CALN1: variants seen among roughly 807,000 people sequenced by gnomAD.
The protein encoded by CALN1 is calneuron 1.
CALN1 carries 17 observed loss-of-function variants against 30.6 expected under a neutral mutation model. The ratio of observed to expected loss-of-function variants is 0.56; its 90% CI spans 0.38 to 0.83. The LOEUF (loss-of-function observed/expected upper bound fraction) is 0.83, where lower values mean the gene tolerates loss of function less well. CALN1 is among the 40% of genes least tolerant of loss of function. The pLI, the probability that CALN1 is intolerant of heterozygous loss-of-function variation, is 0.00. For synonymous variants in CALN1, 156 were observed against 131.4 expected (o/e 1.19, Z -1.28); for missense variants, 291 against 354.9 (o/e 0.82, Z 1.45).
chr7:72,385,983 T>C (rs1334779917), intron 2 of CALN1, among the ~76,000 whole-genome samples: 1 of 152,156 alleles, frequency 6.6e-6, no homozygotes, highest in African/African-American at 2.4e-5. Context: ...AAGACACGGA[T>C]TGATCTTAAA....
chr7:71,804,162 C>T (rs1043925691), intron 6 of CALN1, among the ~76,000 whole-genome samples: 6 of 152,114 alleles, frequency 3.9e-5, no homozygotes, highest in Non-Finnish European at 8.8e-5. Flanking sequence ...ATCTGAACAC[C>T]TCTTAGTAAA....
chr7:72,342,895 A>C (rs1802448312), intron 2 of CALN1, among the ~76,000 whole-genome samples: 1 of 152,134 alleles, frequency 6.6e-6, no homozygotes, highest in Non-Finnish European at 1.5e-5. Flanking sequence ...TGGAAGGTAA[A>C]ATTTTTCATG....
At chr7:72,133,529 T>C (rs1031245476) in intron 3 of CALN1, among the ~76,000 whole-genome samples, 4 of 152,242 alleles carry the variant, frequency 2.6e-5, no homozygotes, top group African/African-American at 9.6e-5. Context: ...ACCACTTTAG[T>C]AATAACTGAT....
At chr7:71,888,991 C>G (rs1320214513) in intron 5 of CALN1, among the ~76,000 whole-genome samples, 2 of 152,156 alleles carry the variant, frequency 1.3e-5, no homozygotes, top group Non-Finnish European at 2.9e-5. Flanking sequence ...GTGAGGAGAT[C>G]AGGAAAGGTA....
intron 5 of CALN1, among the ~76,000 whole-genome samples, chr7:71,989,907 A>T (rs1457433823): frequency 1.3e-5 from 2 of 152,160 alleles, no homozygotes; most frequent in Non-Finnish European, 2.9e-5. Flanking sequence ...AGACAGAAGA[A>T]GATACTAGGA....
intron 5 of CALN1, among the ~76,000 whole-genome samples, chr7:72,018,352 T>G (rs941684892): frequency 1.4e-4 from 21 of 152,054 alleles, no homozygotes; most frequent in African/African-American, 5.1e-4. Context: ...TCAGCCCCGC[T>G]CAGTCCCTTC....
rs113172800 is a variant in CALN1 at position 72,386,730 on chromosome 7, G to A, written c.119+16521C>T. Among the ~76,000 whole-genome samples the A allele has an allele frequency of 4.8e-3, 737 of 152,118 alleles. 3 individuals carry two copies. Among genetic ancestry groups the A allele is most frequent in the African/African-American group, 0.017 (697 of 41,488 alleles). ...AGCTCACTGCAACCCTGAACTCCTG[G>A]GCTCAAGAGATCCTCCTACCTCAGC... On this transcript the variant is annotated intron_variant, in intron 2 of 6. Coordinates refer to ENST00000395275, the MANE Select transcript of CALN1 (RefSeq NM_031468.4).
At chr7:72,404,591 AAC>A (rs907932346) in intron 1 of CALN1, among the ~76,000 whole-genome samples, 2 of 152,182 alleles carry the variant, frequency 1.3e-5, no homozygotes, top group Non-Finnish European at 2.9e-5. Flanking sequence ...TTCTCGCAGA[AAC>A]ACACAGATGA....
At chr7:72,467,518 G>A in the CALN1 span, among the ~76,000 whole-genome samples, 10 of 152,070 alleles carry the variant, frequency 6.6e-5, no homozygotes, top group Admixed American at 4.6e-4. Context: ...GGCTGGTGGC[G>A]GTCTCTAGGT....
At chr7:72,304,262 G>C (rs1799498172) in intron 2 of CALN1, among the ~76,000 whole-genome samples, 1 of 152,352 alleles carries the variant, frequency 6.6e-6, no homozygotes, top group African/African-American at 2.4e-5. Context: ...GGATGGGAAA[G>C]GGGAAAGACT....
intron 2 of CALN1, among the ~76,000 whole-genome samples, chr7:72,284,838 G>A (rs1797976460): frequency 6.6e-6 from 1 of 152,150 alleles, no homozygotes; most frequent in Admixed American, 6.5e-5. Context: ...TAGATAGATA[G>A]ATAGAGATAT....
intron 6 of CALN1, among the ~76,000 whole-genome samples, chr7:71,798,953 C>G (rs1787136378): frequency 6.6e-6 from 1 of 151,996 alleles, no homozygotes; most frequent in African/African-American, 2.4e-5. Context: ...CTTGATACCC[C>G]CAATGTGGGC....
intron 2 of CALN1, among the ~76,000 whole-genome samples, chr7:72,384,969 G>GA (rs1360365183): frequency 6.6e-6 from 1 of 151,902 alleles, no homozygotes; most frequent in Non-Finnish European, 1.5e-5. Flanking sequence ...AAAAAACAAA[G>GA]AATCTCATGG....
intron 5 of CALN1, among the ~76,000 whole-genome samples, chr7:71,886,097 C>T (rs1203951116): frequency 6.6e-6 from 1 of 152,190 alleles, no homozygotes; most frequent in Non-Finnish European, 1.5e-5. Context: ...CAAGTCCCAG[C>T]GAAGAATCCA....
intron 5 of CALN1, among the ~76,000 whole-genome samples, chr7:71,983,923 C>T (rs1798532174): frequency 6.6e-6 from 1 of 151,884 alleles, no homozygotes; most frequent in African/African-American, 2.4e-5. Flanking sequence ...TATAATCAAA[C>T]TATATTAAAG....
chr7:71,985,464 C>G (rs1465728318), intron 5 of CALN1, among the ~76,000 whole-genome samples: 1 of 151,906 alleles, frequency 6.6e-6, no homozygotes, highest in Non-Finnish European at 1.5e-5. Flanking sequence ...GACAACATAG[C>G]AAGACCCCAT....
intron 3 of CALN1, among the ~76,000 whole-genome samples, chr7:72,198,372 G>A (rs952885462): frequency 2.0e-5 from 3 of 152,160 alleles, no homozygotes; most frequent in Non-Finnish European, 4.4e-5. Flanking sequence ...GCAAAGGATC[G>A]CAGGTACCTT....
intron 2 of CALN1, among the ~76,000 whole-genome samples, chr7:72,386,083 G>C (rs2968521): frequency 0.99 from 150,673 of 152,304 alleles, 74,547 homozygotes; most frequent in Middle Eastern, 1. Flanking sequence ...GCAAAACTAT[G>C]AGGGATAAAG....
intron 5 of CALN1, among the ~76,000 whole-genome samples, chr7:71,925,766 G>A (rs1463808123): frequency 6.6e-6 from 1 of 152,072 alleles, no homozygotes; most frequent in African/African-American, 2.4e-5. Context: ...TCAGCAGGAT[G>A]TTGAGCTTTC....
Sources: allele counts gnomAD v4.1 joint callset (sites outside exome capture counted in the v4.1 genomes callset), GRCh38; gene constraint gnomAD v4.1.1; transcripts MANE v1.5; gene names NCBI Gene and HGNC (gene_info 2026-07-23, HGNC 2026-07-21).